The following LIN9 variants were observed in gnomAD, a reference collection of about 807,000 sequenced individuals.
LIN9 encodes protein lin-9 homolog.
Under a neutral mutation model 78.0 loss-of-function variants are expected in LIN9, and 18 were observed. The ratio of observed to expected loss-of-function variants is 0.23; its 90% CI spans 0.16 to 0.34. The LOEUF (loss-of-function observed/expected upper bound fraction) is 0.34. Ranked by LOEUF, LIN9 falls within the 10% of genes least tolerant of loss-of-function variation. The probability of loss-of-function intolerance (pLI) is 1.00; values close to 1 mark genes in which losing one functional copy is unlikely to be tolerated. For missense variants in LIN9, 451 were observed against 644.1 expected (o/e 0.70, Z 3.25); for synonymous variants, 192 against 215.2 (o/e 0.89, Z 0.94).
At chr1:226,239,122 T>C (rs1657933434) in intron 11 of LIN9, 26 bp from the exon 12 acceptor site, 8 of 1,606,598 alleles carry the variant, frequency 5.0e-6, no homozygotes, top group Non-Finnish European at 6.8e-6. Context: ...AATCAGATCT[T>C]GGTAAGAGTT....
rs866126530 is a variant in LIN9 at position 226,261,125 on chromosome 1, G to A, written c.1038+4408C>T. On this transcript the variant is annotated intron_variant, in intron 10 of 14. Coordinates refer to ENST00000681046, the MANE Select transcript of LIN9 (RefSeq NM_001366245.2). ...TCTCAGTAAGCTAGGAATAGACAAC[G>A]TCCTCAACCTGATAAAAAAAAAAAA... Among the ~76,000 whole-genome samples the A allele has an allele frequency of 2.1e-4, 32 of 149,820 alleles. No individual in the cohort carries two copies. In the Middle Eastern group the frequency reaches 0.011, roughly 50 times the overall value.
chr1:226,289,314 A>G (rs954057704), intron 4 of LIN9, among the ~76,000 whole-genome samples: 10 of 152,116 alleles, frequency 6.6e-5, no homozygotes, highest in African/African-American at 2.4e-4. Flanking sequence ...AACACAGTAT[A>G]AAGTCATGTT....
At chr1:226,296,665 A>G (rs570313281) in intron 3 of LIN9, among the ~76,000 whole-genome samples, 8 of 152,296 alleles carry the variant, frequency 5.3e-5, no homozygotes, top group African/African-American at 1.9e-4. Context: ...TGGAAGAGAA[A>G]CAGGTGCAGG....
intron 14 of LIN9, 105 bp downstream of exon 14, chr1:226,232,991 T>A (rs1301390263): frequency 3.1e-6 from 2 of 646,160 alleles, no homozygotes. Context: ...ATTTAACGGA[T>A]AATAATATAT....
chr1:226,260,628 GTTTTTTTTTTT>G lies in LIN9; in HGVS notation c.1038+4894_1038+4904del, dbSNP rs559460640. ...AGAATTTAAGATCACGGCCAAATGA[GTTTTTTTTTTT>G]TTTTTTTTTTTTTTTTTTTTTTTGA... On this transcript the variant is annotated intron_variant, in intron 10 of 14. Transcript: ENST00000681046. Among the ~76,000 whole-genome samples the G allele has an allele frequency of 2.9e-4, 21 of 73,432 alleles. No homozygotes were observed. In the South Asian group the frequency reaches 4.9e-3, roughly 17 times the overall value. 48.2% of individuals were successfully genotyped at this position (73,432 alleles called of 152,430 possible).
chr1:226,293,930 T>C (rs1397441536), intron 4 of LIN9, among the ~76,000 whole-genome samples: 2 of 152,208 alleles, frequency 1.3e-5, no homozygotes, highest in African/African-American at 2.4e-5. Flanking sequence ...CATGAACATA[T>C]TTTCCTGTTT....
rs558971569 is a variant in LIN9 at position 226,234,893 on chromosome 1, A to ATTTTTT, written c.1246-1376_1246-1371dup. On this transcript the variant is annotated intron_variant, in intron 12 of 14. Transcript: ENST00000681046. Reference sequence around the variant, plus strand: ...AGAAACCTGGCTCGCGTTATCCTAAATTTTTTTTTTTTTTTTTTGAGACAG... The same window carrying ATTTTTT: ...AGAAACCTGGCTCGCGTTATCCTAAATTTTTTTTTTTTTTTTTTTTTTTTGAGACAG... Among the ~76,000 whole-genome samples the ATTTTTT allele has an allele frequency of 5.0e-3, 674 of 134,270 alleles. 10 individuals are homozygous for ATTTTTT. Among genetic ancestry groups the ATTTTTT allele is most frequent in the East Asian group, 0.03 (135 of 4,504 alleles). 88.1% of individuals were successfully genotyped at this position (134,270 alleles called of 152,430 possible).
intron 6 of LIN9, among the ~76,000 whole-genome samples, chr1:226,285,617 A>G (rs1056530566): frequency 5.3e-5 from 8 of 152,212 alleles, no homozygotes; most frequent in African/African-American, 1.4e-4. Context: ...TTCACTCAAA[A>G]GTAATATAAG....
intron 1 of LIN9, among the ~76,000 whole-genome samples, chr1:226,308,183 G>A (rs910995321): frequency 6.6e-6 from 1 of 152,064 alleles, no homozygotes; most frequent in Non-Finnish European, 1.5e-5. Flanking sequence ...TAACATATTT[G>A]TCTTTTCATA....
chr1:226,277,758 A>G lies in LIN9; in HGVS notation c.682+17T>C. 6.2e-7 allele frequency: 1 copy of G among 1,604,014 alleles called. No individual in the cohort carries two copies. The highest frequency in any genetic ancestry group is 8.5e-7 in the Non-Finnish European group (1 of 1,174,552). Reference sequence around the variant, plus strand: ...AAAATTACAAGTCAAAAGAGTAATTAGCTTGTTTTCACTTACCTGTAACTT... The same window carrying G: ...AAAATTACAAGTCAAAAGAGTAATTGGCTTGTTTTCACTTACCTGTAACTT... On this transcript the variant is annotated intron_variant, in intron 7 of 14. Coordinates refer to ENST00000681046, the MANE Select transcript of LIN9 (RefSeq NM_001366245.2).
intron 12 of LIN9, 68 bp downstream of exon 12, chr1:226,238,903 A>C: frequency 6.7e-7 from 1 of 1,500,994 alleles, no homozygotes. Context: ...TGGATTTTCT[A>C]AAGTGTGAAA....
intron 4 of LIN9, among the ~76,000 whole-genome samples, chr1:226,294,135 CT>C (rs1333300595): frequency 6.6e-6 from 1 of 151,852 alleles, no homozygotes; most frequent in East Asian, 1.9e-4. Context: ...TGGCAAAACC[CT>C]GTCTCTACTG....
intron 4 of LIN9, among the ~76,000 whole-genome samples, chr1:226,290,993 GT>G (rs1434921196): frequency 6.6e-6 from 1 of 151,458 alleles, no homozygotes; most frequent in Non-Finnish European, 1.5e-5. Context: ...CTGACCTCAG[GT>G]GATCTGCCCA....
intron 7 of LIN9, among the ~76,000 whole-genome samples, chr1:226,271,702 T>A (rs967120047): frequency 6.6e-6 from 1 of 152,198 alleles, no homozygotes; most frequent in African/African-American, 2.4e-5. Flanking sequence ...CAACTATGAT[T>A]GTGGATTTGT....
chr1:226,300,786 G>A (rs893964104), intron 2 of LIN9, among the ~76,000 whole-genome samples: 2 of 152,122 alleles, frequency 1.3e-5, no homozygotes, highest in Non-Finnish European at 2.9e-5. Context: ...AGCCTGGGAC[G>A]CAGAGGTTGC....
chr1:226,252,939 C>T (rs188658155), intron 10 of LIN9, among the ~76,000 whole-genome samples: 2 of 151,990 alleles, frequency 1.3e-5, no homozygotes, highest in Non-Finnish European at 2.9e-5. Flanking sequence ...GAACTCCAGC[C>T]TGGGGGACAA....
Position 226,286,358 on chromosome 1 carries a change from G to A in LIN9, c.499C>T (p.Arg167Trp). Reference sequence around the variant, plus strand: ...CTCCGTGGTTTTCCCATAAGCCGCCGAATTTTTCCCCATTCTACTCTTGTT... The same window carrying A: ...CTCCGTGGTTTTCCCATAAGCCGCCAAATTTTTCCCCATTCTACTCTTGTT... ...KLTRVEWGKI[R>W]RLMGKPRRCS... The change falls in exon 6 of 15, where the codon CGG (arginine) becomes TGG (tryptophan). Residue 167 changes from arginine to tryptophan, a missense_variant. Physicochemically the swap from Arg to Trp is moderately radical, Grantham distance 101. Coordinates refer to ENST00000681046, the MANE Select transcript of LIN9 (RefSeq NM_001366245.2). 1 of 1,610,628 alleles carries A rather than the reference G, an allele frequency of 6.2e-7. No homozygotes were observed. The highest frequency in any genetic ancestry group is 8.5e-7 in the Non-Finnish European group (1 of 1,179,182).
intron 8 of LIN9, among the ~76,000 whole-genome samples, chr1:226,266,835 A>T (rs1176983980): frequency 6.6e-6 from 1 of 151,560 alleles, no homozygotes; most frequent in African/African-American, 2.4e-5. Flanking sequence ...ACTGGAGTGC[A>T]ATGGCGCGAT....
chr1:226,253,358 G>A (rs1051661749), intron 10 of LIN9, among the ~76,000 whole-genome samples: 44 of 150,986 alleles, frequency 2.9e-4, no homozygotes, highest in African/African-American at 9.0e-4. Context: ...AGGCTAGAAC[G>A]CAACTGCATG....
Sources: allele counts gnomAD v4.1 joint callset (sites outside exome capture counted in the v4.1 genomes callset), GRCh38; gene constraint gnomAD v4.1.1; transcripts MANE v1.5; gene names NCBI Gene and HGNC (gene_info 2026-07-23, HGNC 2026-07-21).